The following PSPC1 variants were observed in gnomAD, a reference collection of about 807,000 sequenced individuals.
The protein encoded by PSPC1 is paraspeckle protein 1.
Under a neutral mutation model 51.6 loss-of-function variants are expected in PSPC1, and 14 were observed. The ratio of observed to expected loss-of-function variants is 0.27; its 90% confidence interval spans 0.18 to 0.42. PSPC1 has a LOEUF of 0.42. Among genes scored for constraint, PSPC1 ranks in the 10% least tolerant of loss-of-function variants. The probability of loss-of-function intolerance (pLI) is 1.00; values close to 1 mark genes in which losing one functional copy is unlikely to be tolerated. For synonymous variants in PSPC1, 193 were observed against 231.9 expected (o/e 0.83, Z 1.53); for missense variants, 406 against 701.1 (o/e 0.58, Z 4.75).
At chr13:19,722,388 T>A (rs1003973195) in intron 6 of PSPC1, among the ~76,000 whole-genome samples, 1 of 151,922 alleles carries the variant, frequency 6.6e-6, no homozygotes, top group Admixed American at 6.6e-5. Context: ...CAGTCCCAAC[T>A]ACATGGGAGG....
At chr13:19,741,729 T>C (rs1471213940) in intron 4 of PSPC1, 80 bp from the exon 5 acceptor site, 2 of 833,230 alleles carry the variant, frequency 2.4e-6, no homozygotes, top group Non-Finnish European at 3.8e-6. Flanking sequence ...AAGTTCTCTA[T>C]CACTGGCAAT....
At chr13:19,725,037 C>T (rs1489132111) in intron 6 of PSPC1, among the ~76,000 whole-genome samples, 3 of 151,836 alleles carry the variant, frequency 2.0e-5, no homozygotes, top group Non-Finnish European at 2.9e-5. Context: ...ATTAGCCAAT[C>T]GTGGTGGCGC....
At chr13:19,699,067 G>A (rs560735345), downstream of PSPC1, among the ~76,000 whole-genome samples, 14 of 151,822 alleles carry the variant, frequency 9.2e-5, no homozygotes, top group African/African-American at 3.4e-4. Flanking sequence ...CAAGTTTTGT[G>A]GTAAGCCTTT....
chr13:19,715,746 GGACA>G (rs1283032779), intron 6 of PSPC1, among the ~76,000 whole-genome samples: 8 of 152,014 alleles, frequency 5.3e-5, no homozygotes, highest in Admixed American at 1.3e-4. Flanking sequence ...AATTTTTTTT[GGACA>G]GACACATAAT....
In PSPC1 at chr13:19,782,145, G is replaced by A. The variant is rs574633972; in HGVS notation, c.372+241C>T. The stretch of plus-strand genomic sequence containing the variant: ...CCTGCAGCCACCGCAAAGCACGATC[G>A]GCGCACGGCAGAAAACGGCGGCCAC... On this transcript the variant is annotated intron_variant, in intron 1 of 8. Coordinates refer to ENST00000338910, the MANE Select transcript of PSPC1 (RefSeq NM_001354909.2). This position sits in a 1 kb window ranked among gnomAD's most constrained non-coding sequence, Gnocchi z 4.5. Among the ~76,000 whole-genome samples the A allele has an allele frequency of 1.4e-4, 21 of 152,226 alleles. No individual in the cohort carries two copies. Among genetic ancestry groups the A allele is most frequent in the Non-Finnish European group, 2.9e-4 (20 of 68,042 alleles).
At chr13:19,757,921 A>T (rs1887242156) in intron 3 of PSPC1, among the ~76,000 whole-genome samples, 2 of 152,206 alleles carry the variant, frequency 1.3e-5, no homozygotes, top group Admixed American at 6.6e-5. Context: ...CTGTGAGGCC[A>T]TACTTGTGAA....
At chr13:19,716,023 A>C (rs1882052428) in intron 6 of PSPC1, among the ~76,000 whole-genome samples, 1 of 152,134 alleles carries the variant, frequency 6.6e-6, no homozygotes, top group Non-Finnish European at 1.5e-5. Context: ...CAAAAAAATA[A>C]AAAATAAAAA....
At chr13:19,705,150 C>T (rs1219015831) in intron 8 of PSPC1, among the ~76,000 whole-genome samples, 16 of 152,224 alleles carry the variant, frequency 1.1e-4, no homozygotes, top group Non-Finnish European at 2.4e-4. Context: ...TTGCTATATA[C>T]TGAGGTACCA....
chr13:19,711,035 C>T (rs1380492133), intron 6 of PSPC1, among the ~76,000 whole-genome samples: 1 of 151,744 alleles, frequency 6.6e-6, no homozygotes, highest in Non-Finnish European at 1.5e-5. Flanking sequence ...GAGATAGGGT[C>T]TCGCTATGTC....
At chr13:19,702,400 A>T (rs1176521588), downstream of PSPC1, 1 of 152,188 alleles carries the variant, frequency 6.6e-6, no homozygotes, top group Admixed American at 6.6e-5. Flanking sequence ...TACGATAATA[A>T]TCGGGTAAGG....
intron 4 of PSPC1, among the ~76,000 whole-genome samples, chr13:19,745,229 G>A (rs1271631243): frequency 6.6e-6 from 1 of 152,136 alleles, no homozygotes; most frequent in Admixed American, 6.5e-5. Flanking sequence ...TGAGGCAGAA[G>A]AATCACTTGA....
chr13:19,696,876 C>G (rs1238011642), intron 6 of PSPC1, among the ~76,000 whole-genome samples: 1 of 152,102 alleles, frequency 6.6e-6, no homozygotes, highest in Non-Finnish European at 1.5e-5. Context: ...CTCCACATAC[C>G]CTCTTCATTT....
At chr13:19,778,106 GTT>G in intron 1 of PSPC1, among the ~76,000 whole-genome samples, 1 of 151,528 alleles carries the variant, frequency 6.6e-6, no homozygotes, top group Non-Finnish European at 1.5e-5. Context: ...GCTGGGCGTG[GTT>G]GCATGCGCCT....
intron 6 of PSPC1, among the ~76,000 whole-genome samples, chr13:19,686,118 G>C (rs1382689028): frequency 3.3e-5 from 5 of 152,102 alleles, no homozygotes; most frequent in Non-Finnish European, 5.9e-5. Context: ...AGTAGCTAAC[G>C]TAATTCCTTT....
At chr13:19,759,446 A>C in intron 2 of PSPC1, 28 bp from the exon 3 acceptor site, 5 of 1,496,270 alleles carry the variant, frequency 3.3e-6, no homozygotes, top group Non-Finnish European at 4.6e-6. Context: ...CATTCATAAA[A>C]ATTAACACAG....
intron 4 of PSPC1, among the ~76,000 whole-genome samples, chr13:19,744,198 T>C (rs543945436): frequency 6.6e-6 from 1 of 152,158 alleles, no homozygotes; most frequent in South Asian, 2.1e-4. Context: ...TAGAGTGGCA[T>C]GATGGTAGCT....
intron 5 of PSPC1, among the ~76,000 whole-genome samples, chr13:19,735,153 A>C (rs1421657920): frequency 6.6e-6 from 1 of 152,074 alleles, no homozygotes; most frequent in African/African-American, 2.4e-5. Flanking sequence ...CTCGACTAAA[A>C]ATACAAAAAT....
At chr13:19,671,941 T>A, downstream of PSPC1, 1 of 1,519,622 alleles carries the variant, frequency 6.6e-7, no homozygotes, top group Non-Finnish European at 9.1e-7. Flanking sequence ...GACAGCAGTT[T>A]GGAATTCTTC....
intron 6 of PSPC1, among the ~76,000 whole-genome samples, chr13:19,688,917 T>C (rs1878238175): frequency 6.7e-6 from 1 of 150,192 alleles, no homozygotes; most frequent in Admixed American, 6.7e-5. Flanking sequence ...CACATTAAAT[T>C]AGCATTTTAA....
Sources: allele counts gnomAD v4.1 joint callset (sites outside exome capture counted in the v4.1 genomes callset), GRCh38; gene constraint gnomAD v4.1.1; non-coding constraint Gnocchi (gnomAD v3.1); transcripts MANE v1.5; gene names NCBI Gene and HGNC (gene_info 2026-07-23, HGNC 2026-07-21).